EPM2A: variants seen among roughly 807,000 people sequenced by gnomAD.
The protein encoded by EPM2A is laforin.
EPM2A carries 21 observed loss-of-function variants against 26.5 expected under a neutral mutation model. The ratio of observed to expected loss-of-function variants is 0.79; its 90% CI spans 0.56 to 1.14. The LOEUF (loss-of-function observed/expected upper bound fraction) is 1.14, where lower values mean the gene tolerates loss of function less well. EPM2A is among the 50% of genes most tolerant of loss of function. EPM2A has a pLI of 0.00. For missense variants in EPM2A, 458 were observed against 440.8 expected (o/e 1.04, Z -0.35); for synonymous variants, 217 against 177.6 (o/e 1.22, Z -1.76).
intron 2 of EPM2A, among the ~76,000 whole-genome samples, chr6:145,597,743 G>C (rs888863671): frequency 2.6e-5 from 4 of 152,032 alleles, no homozygotes; most frequent in Non-Finnish European, 2.9e-5. Flanking sequence ...CCCTCAAGAA[G>C]GCCCCAGTGT....
At chr6:145,683,437 T>A (rs959130054) in intron 2 of EPM2A, among the ~76,000 whole-genome samples, 3 of 151,322 alleles carry the variant, frequency 2.0e-5, no homozygotes, top group African/African-American at 7.3e-5. Context: ...AGCATAGATA[T>A]ATTTACACCT....
At chr6:145,533,170 T>A (rs1477463608) in intron 2 of EPM2A, among the ~76,000 whole-genome samples, 3 of 152,188 alleles carry the variant, frequency 2.0e-5, no homozygotes, top group African/African-American at 7.2e-5. Context: ...TGGAAAAGAC[T>A]ATCAGGAGTC....
At chr6:145,515,133 G>C (rs144423671) in intron 2 of EPM2A, among the ~76,000 whole-genome samples, 1 of 152,176 alleles carries the variant, frequency 6.6e-6, no homozygotes, top group Non-Finnish European at 1.5e-5. Context: ...AAGACAAGAA[G>C]GGTATGGGTA....
At chr6:145,598,753 T>C (rs1781380913) in intron 2 of EPM2A, among the ~76,000 whole-genome samples, 3 of 152,314 alleles carry the variant, frequency 2.0e-5, no homozygotes, top group Non-Finnish European at 2.9e-5. Flanking sequence ...TACAATTAAG[T>C]CTTTACTCCA....
At chr6:145,427,560 G>C (rs1222369423) in intron 4 of EPM2A, among the ~76,000 whole-genome samples, 1 of 152,126 alleles carries the variant, frequency 6.6e-6, no homozygotes, top group African/African-American at 2.4e-5. Flanking sequence ...ATGAATCTGA[G>C]AGCCAATAGA....
At chr6:145,448,543 C>T (rs895432323) in intron 4 of EPM2A, among the ~76,000 whole-genome samples, 1 of 152,100 alleles carries the variant, frequency 6.6e-6, no homozygotes, top group African/African-American at 2.4e-5. Flanking sequence ...AGAGTTAATG[C>T]AAGGGGAGAA....
chr6:145,622,693 C>G (rs1379445068), downstream of EPM2A, among the ~76,000 whole-genome samples: 1 of 152,168 alleles, frequency 6.6e-6, no homozygotes, highest in Non-Finnish European at 1.5e-5. Context: ...CCACCAGAAG[C>G]TAGAATAGCG....
chr6:145,609,753 C>T (rs1409356998), intron 2 of EPM2A, among the ~76,000 whole-genome samples: 2 of 152,146 alleles, frequency 1.3e-5, no homozygotes, highest in African/African-American at 4.8e-5. Flanking sequence ...TCAATTTTCT[C>T]TTTGAGTGTG....
chr6:145,689,841 C>T (rs763639824), intron 1 of EPM2A, among the ~76,000 whole-genome samples: 4 of 152,194 alleles, frequency 2.6e-5, no homozygotes, highest in East Asian at 1.9e-4. Flanking sequence ...TCAGCATCAT[C>T]GTTGGCAATA....
chr6:145,495,181 A>G (rs1779800858), intron 4 of EPM2A, among the ~76,000 whole-genome samples: 1 of 152,278 alleles, frequency 6.6e-6, no homozygotes, highest in South Asian at 2.1e-4. Flanking sequence ...TGTTGGGTAC[A>G]TATATGTTTA....
At chr6:145,666,677 T>C (rs1227602066) in intron 2 of EPM2A, among the ~76,000 whole-genome samples, 3 of 130,234 alleles carry the variant, frequency 2.3e-5, no homozygotes, top group Non-Finnish European at 4.7e-5. Flanking sequence ...AAAGTTCATA[T>C]GGAACCAAAA....
chr6:145,707,643 T>A (rs1782298075), intron 1 of EPM2A, among the ~76,000 whole-genome samples: 1 of 152,182 alleles, frequency 6.6e-6, no homozygotes, highest in Non-Finnish European at 1.5e-5. Flanking sequence ...ATGTAAGACG[T>A]GATTTTGCCC....
chr6:145,592,089 C>T (rs1446729230), intron 2 of EPM2A, among the ~76,000 whole-genome samples: 1 of 151,548 alleles, frequency 6.6e-6, no homozygotes, highest in Admixed American at 6.6e-5. Flanking sequence ...TATACATGTG[C>T]CATGTTGGTG....
intron 4 of EPM2A, among the ~76,000 whole-genome samples, chr6:145,483,494 C>T (rs1024513918): frequency 6.6e-6 from 1 of 152,098 alleles, no homozygotes; most frequent in African/African-American, 2.4e-5. Context: ...TGCCATGTCC[C>T]TGAAGACTAA....
At chr6:145,667,555 C>T (rs930927918) in intron 2 of EPM2A, among the ~76,000 whole-genome samples, 1 of 151,408 alleles carries the variant, frequency 6.6e-6, no homozygotes, top group Non-Finnish European at 1.5e-5. Context: ...GAACACTTTA[C>T]ACTGTTGGTG....
At chr6:145,587,641 G>A (rs1171925916) in intron 2 of EPM2A, among the ~76,000 whole-genome samples, 1 of 152,080 alleles carries the variant, frequency 6.6e-6, no homozygotes, top group Admixed American at 6.5e-5. Flanking sequence ...GTGAAGGAAG[G>A]GCCAGAACAT....
At chr6:145,688,046 GT>G (rs1272628988) in intron 1 of EPM2A, among the ~76,000 whole-genome samples, 2 of 151,932 alleles carry the variant, frequency 1.3e-5, no homozygotes, top group Middle Eastern at 3.2e-3. Context: ...AACCATATAA[GT>G]TTTTTTTCAT....
At position 145,655,151 on chromosome 6, in the gene EPM2A, G is replaced by A. The variant is rs17798033; in HGVS notation, c.477-19665C>T. 4.1e-3 allele frequency among the ~76,000 whole-genome samples: 615 copies of A among 150,466 alleles called. 18 individuals carry two copies. The East Asian group carries it at 0.07, about 17-fold the overall frequency. ...CAAATCTAGACTTTTCTAAGTTCCA[G>A]GATCCTGGTATTTCAAACAGTGTGA... On this transcript the variant is annotated intron_variant, in intron 2 of 3. Transcript: ENST00000367519.
chr6:145,623,161 C>T (rs571861075), downstream of EPM2A, among the ~76,000 whole-genome samples: 8 of 147,600 alleles, frequency 5.4e-5, no homozygotes, highest in South Asian at 6.2e-4. Context: ...GGTACATCAC[C>T]GAACAAAACA....
Sources: gnomAD v4.1 joint callset for allele counts (sites outside exome capture counted in the v4.1 genomes callset) on GRCh38, gnomAD v4.1.1 for gene constraint, MANE v1.5 for transcripts, NCBI Gene and HGNC (gene_info 2026-07-23, HGNC 2026-07-21) for gene names.